RIMS1: variants seen among roughly 807,000 people sequenced by gnomAD.
RIMS1 encodes the protein regulating synaptic membrane exocytosis 1, also known as regulating synaptic membrane exocytosis protein 1.
RIMS1 carries 83 observed loss-of-function variants against 214.1 expected under a neutral mutation model. The observed-to-expected ratio is 0.39, with a 90% confidence interval of 0.32 to 0.47. The LOEUF is 0.47. Ranked by LOEUF, RIMS1 falls within the 20% of genes least tolerant of loss-of-function variation. The pLI is 0.99. For synonymous variants in RIMS1, 793 were observed against 786.8 expected (o/e 1.01, Z -0.13); for missense variants, 2,050 against 2,161.8 (o/e 0.95, Z 1.03).
At chr6:72,266,803 G>GAT (rs1430820197) in intron 22 of RIMS1, among the ~76,000 whole-genome samples, 1 of 151,936 alleles carries the variant, frequency 6.6e-6, no homozygotes, top group Non-Finnish European at 1.5e-5. Flanking sequence ...AGTTATAATT[G>GAT]ATAGTCTTGT....
chr6:72,237,765 C>A, intron 8 of RIMS1, 58 bp from the exon 9 acceptor site: 1 of 1,224,724 alleles, frequency 8.2e-7, no homozygotes, highest in Non-Finnish European at 1.2e-6. Flanking sequence ...ATTCCTCAAA[C>A]TAATAAGCTT....
Position 72,182,641 on chromosome 6 carries a change from C to T in RIMS1, c.1170C>T (p.His390=). Residue 390 remains histidine (H), a synonymous_variant, in exon 6 of 34, where the codon CAC becomes CAT. Coordinates refer to ENST00000521978, the MANE Select transcript of RIMS1 (RefSeq NM_014989.7). ...RVSRARHERR[H]SDVALPRTEA... ...CCCGCGCCAGGCACGAGCGGCGCCA[C>T]AGCGACGTGGCGCTCCCGCGCACCG... 2.6e-6 allele frequency: 4 copies of T among 1,537,690 alleles called. No individual in the cohort carries two copies. The highest frequency in any genetic ancestry group is 3.5e-6 in the Non-Finnish European group (4 of 1,141,390).
intron 6 of RIMS1, among the ~76,000 whole-genome samples, chr6:72,231,154 C>T (rs569209377): frequency 6.6e-5 from 10 of 151,670 alleles, no homozygotes; most frequent in South Asian, 2.1e-4. Flanking sequence ...TTGCTTATTC[C>T]GTTAATAATA....
intron 2 of RIMS1, among the ~76,000 whole-genome samples, chr6:71,993,734 A>G (rs1802568345): frequency 6.6e-6 from 1 of 152,200 alleles, no homozygotes; most frequent in East Asian, 1.9e-4. Flanking sequence ...TAGGTTTACA[A>G]TTATTTTCAA....
At chr6:72,038,702 A>G (rs1245044513) in intron 2 of RIMS1, among the ~76,000 whole-genome samples, 1 of 152,170 alleles carries the variant, frequency 6.6e-6, no homozygotes, top group Non-Finnish European at 1.5e-5. Context: ...CCCCAACTGC[A>G]TATTTTGTTC....
intron 4 of RIMS1, among the ~76,000 whole-genome samples, chr6:72,125,748 T>A (rs147429060): frequency 1.3e-5 from 2 of 152,312 alleles, no homozygotes; most frequent in African/African-American, 4.8e-5. Flanking sequence ...CTCAGACTGC[T>A]GTGCTAGCAG....
In RIMS1 at chr6:72,159,766, A is replaced by T. The variant is rs543420350; in HGVS notation, c.472-19809A>T. Among the ~76,000 whole-genome samples, 10 of 140,110 alleles carry T rather than the reference A, an allele frequency of 7.1e-5. 2 individuals are homozygous for T. Among genetic ancestry groups the T allele is most frequent in the African/African-American group, 2.2e-4 (9 of 40,632 alleles). 91.9% of individuals were successfully genotyped at this position (140,110 alleles called of 152,430 possible). A position where few individuals can be genotyped will look rare whatever the true frequency, so the allele number is the denominator to read the frequency against. On this transcript the variant is annotated intron_variant, in intron 4 of 33. Transcript: ENST00000521978. Reference sequence around the variant, plus strand: ...TGATCTATATCTCTGTTTTGGTACCAGTACCATGCTGTTTTGGTTATTGTA... The same window carrying T: ...TGATCTATATCTCTGTTTTGGTACCTGTACCATGCTGTTTTGGTTATTGTA...
chr6:72,129,278 G>A (rs1254035680), intron 4 of RIMS1, among the ~76,000 whole-genome samples: 1 of 152,136 alleles, frequency 6.6e-6, no homozygotes. Context: ...TCAGCAGCAT[G>A]TGAATCTGTG....
intron 2 of RIMS1, among the ~76,000 whole-genome samples, chr6:71,973,474 G>A (rs569729787): frequency 6.6e-6 from 1 of 152,120 alleles, no homozygotes; most frequent in Non-Finnish European, 1.5e-5. Context: ...TGCCTTTCAT[G>A]GAATAGTTCT....
chr6:72,192,695 A>G (rs534076927), intron 6 of RIMS1, among the ~76,000 whole-genome samples: 3 of 152,306 alleles, frequency 2.0e-5, no homozygotes, highest in African/African-American at 7.2e-5. Context: ...TATGGTAGCT[A>G]TGCCCACCTT....
chr6:72,022,423 T>A (rs1195682673), intron 2 of RIMS1, among the ~76,000 whole-genome samples: 4 of 152,190 alleles, frequency 2.6e-5, no homozygotes, highest in Non-Finnish European at 5.9e-5. Context: ...GAAAAACTTA[T>A]AAGGAGAGTA....
At chr6:72,330,378 G>C (rs545912992) in intron 28 of RIMS1, among the ~76,000 whole-genome samples, 60 of 151,782 alleles carry the variant, frequency 4.0e-4, no homozygotes, top group Non-Finnish European at 6.6e-4. Flanking sequence ...CTACAAGAAG[G>C]GGGGGATCAA....
At chr6:71,978,485 A>G (rs572054913) in intron 2 of RIMS1, among the ~76,000 whole-genome samples, 1 of 152,166 alleles carries the variant, frequency 6.6e-6, no homozygotes, top group South Asian at 2.1e-4. Flanking sequence ...AGGTGTTTGG[A>G]TACCCGTGAA....
At chr6:72,118,906 A>G (rs1365742932) in intron 4 of RIMS1, among the ~76,000 whole-genome samples, 1 of 151,760 alleles carries the variant, frequency 6.6e-6, no homozygotes, top group Non-Finnish European at 1.5e-5. Flanking sequence ...TCCACTGAGA[A>G]CTGAAACAAG....
intron 26 of RIMS1, among the ~76,000 whole-genome samples, chr6:72,300,857 G>T (rs1295134742): frequency 2.6e-5 from 4 of 151,724 alleles, no homozygotes; most frequent in African/African-American, 9.7e-5. Flanking sequence ...AGTTCAATGG[G>T]AATAGGTGTG....
intron 2 of RIMS1, among the ~76,000 whole-genome samples, chr6:72,017,845 G>C (rs1377670233): frequency 1.3e-5 from 2 of 152,176 alleles, no homozygotes; most frequent in African/African-American, 4.8e-5. Context: ...AAAGAATTGT[G>C]TGTGAGCCAT....
intron 4 of RIMS1, among the ~76,000 whole-genome samples, chr6:72,140,853 G>C (rs1280111126): frequency 1.3e-5 from 2 of 151,976 alleles, no homozygotes; most frequent in Non-Finnish European, 2.9e-5. Flanking sequence ...TTGTCATATA[G>C]ATGTAAAGAT....
chr6:72,183,355 A>C (rs772140954), intron 6 of RIMS1, among the ~76,000 whole-genome samples: 14 of 152,202 alleles, frequency 9.2e-5, no homozygotes, highest in African/African-American at 1.4e-4. Context: ...AACAAGCTCC[A>C]AACTTAGGCT....
chr6:72,150,554 C>T (rs952068940), intron 4 of RIMS1, among the ~76,000 whole-genome samples: 1 of 152,200 alleles, frequency 6.6e-6, no homozygotes, highest in Non-Finnish European at 1.5e-5. Context: ...GAATATTTGA[C>T]TCCATTGTCC....
Sources: allele counts gnomAD v4.1 joint callset (sites outside exome capture counted in the v4.1 genomes callset), GRCh38; gene constraint gnomAD v4.1.1; transcripts MANE v1.5; gene names NCBI Gene and HGNC (gene_info 2026-07-23, HGNC 2026-07-21).